The following CPS1 variants were observed in gnomAD, a reference collection of about 807,000 sequenced individuals.
CPS1 encodes the protein carbamoyl-phosphate synthase 1, also known as carbamoyl-phosphate synthase [ammonia], mitochondrial.
CPS1 carries 109 observed loss-of-function variants against 174.6 expected under a neutral mutation model. That is an observed-to-expected ratio of 0.62 (90% CI 0.53 to 0.73). The LOEUF (loss-of-function observed/expected upper bound fraction) is 0.73. Among genes scored for constraint, CPS1 ranks in the 30% least tolerant of loss-of-function variants. The pLI is 0.00. For missense variants in CPS1, 1,689 were observed against 1,821.9 expected (o/e 0.93, Z 1.33); for synonymous variants, 637 against 632.0 (o/e 1.01, Z -0.12).
intron 13 of CPS1, among the ~76,000 whole-genome samples, chr2:210,597,407 C>T (rs1199066458): frequency 6.6e-6 from 1 of 151,800 alleles, no homozygotes; most frequent in African/African-American, 2.4e-5. Flanking sequence ...AACCATTTAA[C>T]CTTACTGAAT....
chr2:210,477,991 T>G (rs1299303822), intron 1 of CPS1, among the ~76,000 whole-genome samples: 1 of 152,230 alleles, frequency 6.6e-6, no homozygotes, highest in Non-Finnish European at 1.5e-5. Context: ...CTCTATCTTA[T>G]TTTACTAATC....
At chr2:210,552,839 A>G (rs1316753229), upstream of CPS1, among the ~76,000 whole-genome samples, 1 of 152,098 alleles carries the variant, frequency 6.6e-6, no homozygotes, top group Non-Finnish European at 1.5e-5. Flanking sequence ...TGATAAAAGA[A>G]TAGTATCAAT....
At chr2:210,518,909 A>G (rs1017627324) in intron 1 of CPS1, among the ~76,000 whole-genome samples, 2 of 151,878 alleles carry the variant, frequency 1.3e-5, no homozygotes, top group African/African-American at 2.4e-5. Context: ...TAACCTCAAA[A>G]TTTTCTCCTC....
chr2:210,656,201 T>A (rs905729616), intron 29 of CPS1, among the ~76,000 whole-genome samples: 3 of 152,212 alleles, frequency 2.0e-5, no homozygotes, highest in African/African-American at 7.2e-5. Flanking sequence ...ATATTTTAAG[T>A]GCTTTTCAAA....
rs377705300 is a variant in CPS1, at chr2:210,677,675, C to T, written c.4405-212C>T. 9.1e-4 allele frequency among the ~76,000 whole-genome samples: 138 copies of T among 152,244 alleles called. 1 individual carries two copies. In the South Asian group the frequency reaches 0.022, roughly 25 times the overall value. ...TAATCCCTATGGGAGGAGAAATAAG[C>T]GTATTCACAGTGACATCTGAGATAT... On this transcript the variant is annotated intron_variant, in intron 37 of 37. Transcript: ENST00000233072.
intron 9 of CPS1, among the ~76,000 whole-genome samples, chr2:210,591,616 G>A (rs541879323): frequency 1.2e-4 from 18 of 152,032 alleles, no homozygotes; most frequent in East Asian, 7.8e-4. Flanking sequence ...ATAGACCTGC[G>A]TATTTAACAC....
chr2:210,592,486 AC>A (rs1487817741), intron 10 of CPS1, among the ~76,000 whole-genome samples: 1 of 151,928 alleles, frequency 6.6e-6, no homozygotes, highest in Non-Finnish European at 1.5e-5. Context: ...GGTCTCTGGG[AC>A]TTACTTGGCA....
chr2:210,605,082 C>A lies in CPS1; in HGVS notation c.1837-20C>A, dbSNP rs769375021. On this transcript the variant is annotated intron_variant, in intron 16 of 37. Transcript: ENST00000233072. ...AGTGCTTTTTCTTACTCTTTGATAT[C>A]TTTTGTCACCAATTTCTAGGCCTTT... is the stretch of plus-strand genomic sequence containing the variant. 3.7e-6 allele frequency: 6 copies of A among 1,611,036 alleles called. No homozygotes were observed. Among genetic ancestry groups the A allele is most frequent in the Admixed American group, 3.3e-5 (2 of 59,750 alleles).
intron 1 of CPS1, among the ~76,000 whole-genome samples, chr2:210,513,061 G>GTT (rs1559056443): frequency 4.5e-5 from 1 of 22,090 alleles, no homozygotes; most frequent in African/African-American, 1.3e-4. Context: ...TATATATGGA[G>GTT]ATATATATGT....
intron 31 of CPS1, among the ~76,000 whole-genome samples, chr2:210,660,084 T>C (rs957257610): frequency 1.3e-5 from 2 of 151,982 alleles, no homozygotes; most frequent in East Asian, 1.9e-4. Context: ...GAAAGTAAGA[T>C]TGAGGCCAGG....
At position 210,607,046 on chromosome 2, in the gene CPS1, T is replaced by C. The variant is rs1244388116; in HGVS notation, c.2192+105T>C. 1.5e-5 allele frequency: 15 copies of C among 997,468 alleles called. No homozygotes were observed. The Admixed American group carries it at 2.4e-4, about 16-fold the overall frequency. 61.8% of individuals were successfully genotyped at this position (997,468 alleles called of 1,614,324 possible). A position where few individuals can be genotyped will look rare whatever the true frequency, so the allele number is the denominator to read the frequency against. ...TACTGCATTTACAAACTATGTTCCCTTTTTCTGTATGTTAGCTCCAAATCA... is the reference window on the plus strand; with the variant it reads ...TACTGCATTTACAAACTATGTTCCCCTTTTCTGTATGTTAGCTCCAAATCA... On this transcript the variant is annotated intron_variant, in intron 18 of 37. Transcript: ENST00000233072.
At chr2:210,523,428 G>C (rs1036476750) in intron 1 of CPS1, among the ~76,000 whole-genome samples, 3 of 151,896 alleles carry the variant, frequency 2.0e-5, no homozygotes, top group African/African-American at 7.2e-5. Context: ...CATGGGTTTA[G>C]TGTAACCATT....
At chr2:210,508,271 A>G (rs1441590059) in intron 1 of CPS1, among the ~76,000 whole-genome samples, 1 of 151,922 alleles carries the variant, frequency 6.6e-6, no homozygotes, top group Non-Finnish European at 1.5e-5. Context: ...CCTGCTCCTG[A>G]GTGACTACTG....
chr2:210,635,722 A>G (rs930657356), intron 21 of CPS1, among the ~76,000 whole-genome samples: 2 of 152,230 alleles, frequency 1.3e-5, no homozygotes, highest in African/African-American at 4.8e-5. Context: ...AGGAAAATGC[A>G]TTGCTCTGAG....
At chr2:210,549,270 C>T (rs1313257075) in intron 1 of CPS1, among the ~76,000 whole-genome samples, 1 of 152,008 alleles carries the variant, frequency 6.6e-6, no homozygotes, top group East Asian at 1.9e-4. Flanking sequence ...AAAACAAGCC[C>T]ATCAGAGTTG....
intron 1 of CPS1, among the ~76,000 whole-genome samples, chr2:210,519,154 CT>C (rs1476314743): frequency 6.6e-6 from 1 of 151,988 alleles, no homozygotes; most frequent in Non-Finnish European, 1.5e-5. Context: ...ACTGTCCCAT[CT>C]TTACACATTA....
chr2:210,658,046 C>T (rs532843937), intron 30 of CPS1: 1 of 165,044 alleles, frequency 6.1e-6, no homozygotes, highest in African/African-American at 2.4e-5. Flanking sequence ...GACATTCTGG[C>T]TCTGGTTGAA....
chr2:210,597,927 T>G (rs1275518316), intron 13 of CPS1, among the ~76,000 whole-genome samples: 2 of 151,868 alleles, frequency 1.3e-5, no homozygotes, highest in East Asian at 3.9e-4. Context: ...AACAGTTGTA[T>G]AATGCTTTTT....
At chr2:210,532,235 G>C (rs1696133312) in intron 1 of CPS1, among the ~76,000 whole-genome samples, 2 of 152,150 alleles carry the variant, frequency 1.3e-5, no homozygotes, top group Admixed American at 1.3e-4. Flanking sequence ...AAACGTTAAA[G>C]TGAAGCAACA....
Sources: gnomAD v4.1 joint callset for allele counts (sites outside exome capture counted in the v4.1 genomes callset) on GRCh38, gnomAD v4.1.1 for gene constraint, MANE v1.5 for transcripts, NCBI Gene and HGNC (gene_info 2026-07-23, HGNC 2026-07-21) for gene names.